DNAH5: variants seen among roughly 807,000 people sequenced by gnomAD.
DNAH5 encodes axonemal beta dynein heavy chain 5.
In DNAH5, 372 loss-of-function variants were observed where a neutral mutation model predicts 518.2. That is an observed-to-expected ratio of 0.72 (90% CI 0.66 to 0.78). The LOEUF (loss-of-function observed/expected upper bound fraction) is 0.78. Ranked by LOEUF, DNAH5 falls within the 30% of genes least tolerant of loss-of-function variation. DNAH5 has a pLI of 0.00. For synonymous variants in DNAH5, 2,039 were observed against 2,025.9 expected, an observed-to-expected ratio of 1.01 and a Z score of -0.17; for missense variants, 5,523 against 5,687.0, an observed-to-expected ratio of 0.97 and a Z score of 0.93.
rs753596753 is a variant in DNAH5, at chr5:13,876,788, G to A, written c.3292C>T (p.Pro1098Ser). The A allele has an allele frequency of 6.2e-7, 1 of 1,613,696 alleles. No homozygotes were observed. Among genetic ancestry groups the A allele is most frequent in the South Asian group, 1.1e-5 (1 of 91,076 alleles). ...TAGTTCTTGGTTTGCACGGGAATGGGTAAATTTACAGATGCTATCTCCAAG... is the reference window on the plus strand; with the variant it reads ...TAGTTCTTGGTTTGCACGGGAATGGATAAATTTACAGATGCTATCTCCAAG... ...DTLEIASVNL[P>S]IPVQTKNYYK... The change falls in exon 22 of 79, where the codon CCC becomes TCC. Residue 1098 changes from proline (P) to serine (S), a missense_variant. Transcript: ENST00000265104.
chr5:13,980,322 C>G (rs1160500205), intron 1 of DNAH5, among the ~76,000 whole-genome samples: 1 of 152,146 alleles, frequency 6.6e-6, no homozygotes, highest in African/African-American at 2.4e-5. Context: ...ACCAGTGAAC[C>G]TCCAATTTCT....
chr5:13,926,418 A>G (rs1304872616), intron 3 of DNAH5, among the ~76,000 whole-genome samples: 2 of 152,216 alleles, frequency 1.3e-5, no homozygotes, highest in African/African-American at 4.8e-5. Flanking sequence ...TCACACAGTC[A>G]GCCACTTTAG....
intron 1 of DNAH5, among the ~76,000 whole-genome samples, chr5:14,003,996 T>C (rs556085345): frequency 6.6e-6 from 1 of 152,032 alleles, no homozygotes; most frequent in African/African-American, 2.4e-5. Context: ...TCCTGACCTA[T>C]GGAAATCGGA....
intron 65 of DNAH5, among the ~76,000 whole-genome samples, chr5:13,749,632 A>C (rs1204961886): frequency 6.6e-6 from 1 of 152,202 alleles, no homozygotes; most frequent in East Asian, 1.9e-4. Flanking sequence ...AAAACCAAGG[A>C]CAAGAATATT....
At chr5:13,930,485 T>C (rs74639983) in intron 2 of DNAH5, among the ~76,000 whole-genome samples, 3,541 of 152,274 alleles carry the variant, frequency 0.023, 120 homozygotes, top group East Asian at 0.097. Flanking sequence ...TTCTTTTTTT[T>C]CCTAATGTCT....
In DNAH5 at chr5:13,762,773, C is replaced by T. The variant is rs765000004; in HGVS notation, c.10230G>A (p.Thr3410=). ...TAGAAAAGAAGGAAGCCATAGCTTT[C>T]GTCCAGGAACAAAGACCAGCTACAT... The part of the protein sequence containing the change: ...CGNVAGLCSW[T]KAMASFFSIN... Residue 3410 remains threonine, a synonymous_variant, in exon 60 of 79, where the codon ACG becomes ACA. Transcript: ENST00000265104. 20 of 1,614,142 alleles carry T rather than the reference C, an allele frequency of 1.2e-5. No homozygotes were observed. The highest frequency in any genetic ancestry group is 5.3e-5 in the African/African-American group (4 of 75,046).
At chr5:13,907,897 TGTA>T (rs1775524502) in intron 12 of DNAH5, among the ~76,000 whole-genome samples, 2 of 152,224 alleles carry the variant, frequency 1.3e-5, no homozygotes, top group African/African-American at 4.8e-5. Flanking sequence ...CATTAATTGA[TGTA>T]GTATTAAATT....
chr5:13,978,450 C>T (rs1191744622), intron 1 of DNAH5, among the ~76,000 whole-genome samples: 1 of 152,194 alleles, frequency 6.6e-6, no homozygotes, highest in African/African-American at 2.4e-5. Flanking sequence ...TCTTTGGACT[C>T]AGGCTGCAAC....
Position 13,807,481 on chromosome 5 carries a change from A to G in DNAH5, c.7887+110T>C, listed in dbSNP as rs889193268. On this transcript the variant is annotated intron_variant, in intron 47 of 78. Transcript: ENST00000265104. ...GGAAGACGTACGTGGGTGATTTATCATGGCTATGAAAATTCAGATGAGATT... is the reference window on the plus strand; with the variant it reads ...GGAAGACGTACGTGGGTGATTTATCGTGGCTATGAAAATTCAGATGAGATT... 79 of 1,059,422 alleles carry G rather than the reference A, an allele frequency of 7.5e-5. No individual in the cohort carries two copies. The Middle Eastern group carries it at 8.0e-4, about 11-fold the overall frequency. 65.6% of individuals were successfully genotyped at this position (1,059,422 alleles called of 1,614,324 possible). A position where few individuals can be genotyped will look rare whatever the true frequency, so the allele number is the denominator to read the frequency against.
chr5:14,007,571 A>G (rs1026365680), intron 1 of DNAH5, among the ~76,000 whole-genome samples: 1 of 152,238 alleles, frequency 6.6e-6, no homozygotes, highest in Admixed American at 6.5e-5. Context: ...CATCTGGGAT[A>G]GGTACAATGG....
At chr5:13,965,662 T>C (rs1444747768) in intron 1 of DNAH5, among the ~76,000 whole-genome samples, 2 of 152,230 alleles carry the variant, frequency 1.3e-5, no homozygotes, top group African/African-American at 2.4e-5. Flanking sequence ...TCAGTTACAT[T>C]GTTCATGGGG....
intron 47 of DNAH5, among the ~76,000 whole-genome samples, chr5:13,796,581 C>T (rs1757858677): frequency 6.6e-6 from 1 of 152,184 alleles, no homozygotes; most frequent in East Asian, 1.9e-4. Context: ...ATATTCCATG[C>T]TCATGGATAG....
intron 61 of DNAH5, among the ~76,000 whole-genome samples, chr5:13,758,173 T>C (rs1446366400): frequency 6.6e-6 from 1 of 152,174 alleles, no homozygotes; most frequent in African/African-American, 2.4e-5. Flanking sequence ...GTGATCTCTT[T>C]AGGCATTTGA....
At chr5:13,777,402 G>C in intron 53 of DNAH5, 47 bp from the exon 54 acceptor site, 1 of 1,576,534 alleles carries the variant, frequency 6.3e-7, no homozygotes, top group Non-Finnish European at 8.7e-7. Context: ...ATTTTCATGA[G>C]AGGGAAAGAA....
At chr5:14,009,246 G>C (rs1784949184) in intron 1 of DNAH5, among the ~76,000 whole-genome samples, 1 of 152,204 alleles carries the variant, frequency 6.6e-6, no homozygotes, top group Admixed American at 6.5e-5. Context: ...GACTAAAGGA[G>C]AAAATGTAAC....
At chr5:13,969,796 A>T (rs1051760527) in intron 1 of DNAH5, among the ~76,000 whole-genome samples, 1 of 152,148 alleles carries the variant, frequency 6.6e-6, no homozygotes, top group Non-Finnish European at 1.5e-5. Context: ...TGTTGGGTAG[A>T]ATGTTCTGTA....
At chr5:13,742,546 A>G (rs1317722000) in intron 65 of DNAH5, among the ~76,000 whole-genome samples, 1 of 152,112 alleles carries the variant, frequency 6.6e-6, no homozygotes, top group Non-Finnish European at 1.5e-5. Flanking sequence ...TCATGCCTCC[A>G]TGTTGCTTAT....
intron 21 of DNAH5, among the ~76,000 whole-genome samples, chr5:13,881,926 A>G (rs551247610): frequency 6.6e-6 from 1 of 152,106 alleles, no homozygotes; most frequent in Non-Finnish European, 1.5e-5. Flanking sequence ...AAGTTGACAA[A>G]TCCTTAGCTA....
intron 1 of DNAH5, among the ~76,000 whole-genome samples, chr5:13,998,768 C>A (rs1415119000): frequency 6.6e-6 from 1 of 152,174 alleles, no homozygotes; most frequent in Non-Finnish European, 1.5e-5. Flanking sequence ...ATGATTGTTT[C>A]TAGTGAGGGA....
Sources: gnomAD v4.1 joint callset for allele counts (sites outside exome capture counted in the v4.1 genomes callset) on GRCh38, gnomAD v4.1.1 for gene constraint, MANE v1.5 for transcripts, NCBI Gene and HGNC (gene_info 2026-07-23, HGNC 2026-07-21) for gene names.